The following MTIF2 variants were observed in gnomAD, a reference collection of about 807,000 sequenced individuals.
The protein encoded by MTIF2 is mitochondrial translational initiation factor 2.
In MTIF2, 71 loss-of-function variants were observed where a neutral mutation model predicts 83.5. The observed-to-expected ratio is 0.85, with a 90% CI of 0.70 to 1.04. The LOEUF is 1.04. MTIF2 is among the 50% of genes least tolerant of loss of function. The probability of loss-of-function intolerance (pLI) is 0.00; values close to 1 mark genes in which losing one functional copy is unlikely to be tolerated. For synonymous variants in MTIF2, 319 were observed against 287.1 expected (o/e 1.11, Z -1.12); for missense variants, 957 against 846.5 (o/e 1.13, Z -1.62).
chr2:55,246,290 G>T, intron 10 of MTIF2, 47 bp downstream of exon 10: 1 of 1,529,306 alleles, frequency 6.5e-7, no homozygotes, highest in Non-Finnish European at 8.8e-7. Flanking sequence ...ATCAAGTCAC[G>T]AAAACCACAG....
chr2:55,256,221 T>C (rs1573900653), intron 5 of MTIF2, among the ~76,000 whole-genome samples: 1 of 151,894 alleles, frequency 6.6e-6, no homozygotes, highest in East Asian at 1.9e-4. Flanking sequence ...GTAGGTGAAT[T>C]TTCAAATACA....
At chr2:55,236,918 T>A in intron 15 of MTIF2, 98 bp from the exon 16 acceptor site, 1 of 1,004,198 alleles carries the variant, frequency 1.0e-6, no homozygotes, top group Non-Finnish European at 1.3e-6. Flanking sequence ...ACACTGAAAT[T>A]CTTAAAAATT....
intron 7 of MTIF2, among the ~76,000 whole-genome samples, chr2:55,253,166 A>C (rs934635103): frequency 2.6e-5 from 4 of 152,358 alleles, no homozygotes; most frequent in Admixed American, 2.6e-4. Flanking sequence ...GCAACTATTA[A>C]TACCTACCTT....
At chr2:55,260,361 T>C (rs7597293) in intron 5 of MTIF2, among the ~76,000 whole-genome samples, 104,954 of 149,828 alleles carry the variant, frequency 0.7, 37,953 homozygotes, top group Non-Finnish European at 0.79. Context: ...GATAGTGCCA[T>C]TGCACTCTAG....
chr2:55,252,326 A>T, intron 8 of MTIF2, 151 bp downstream of exon 8: 2 of 646,818 alleles, frequency 3.1e-6, no homozygotes, highest in Admixed American at 2.9e-5. Flanking sequence ...TATTAGTTAT[A>T]AGTCTGTGGG....
At position 55,254,064 on chromosome 2, in the gene MTIF2, G is replaced by C. The variant is rs770764661; in HGVS notation, c.641C>G (p.Thr214Ser). The change falls in exon 7 of 16, where the codon ACT becomes AGT. Residue 214 changes from threonine to serine, a missense_variant. Around this residue, in one of 3 missense-constraint regions of MTIF2, gnomAD observed 733 missense variants for 648.7 expected, o/e 1.13. Coordinates refer to ENST00000263629, the MANE Select transcript of MTIF2 (RefSeq NM_002453.3). ...ACCAAGAAAGGCACCAATGTGCTGA[G>C]TGATGCCTCCAGTTTCCACTGCTGC... Reference protein sequence around the residue: ...QVAAVETGGITQHIGAFLVSL... With the variant: ...QVAAVETGGISQHIGAFLVSL... 2 of 1,614,196 alleles carry C rather than the reference G, an allele frequency of 1.2e-6. No homozygotes were observed. The highest frequency in any genetic ancestry group is 1.7e-6 in the Non-Finnish European group (2 of 1,180,024).
At chr2:55,256,151 A>G (rs1677513018) in intron 5 of MTIF2, among the ~76,000 whole-genome samples, 1 of 152,188 alleles carries the variant, frequency 6.6e-6, no homozygotes, top group African/African-American at 2.4e-5. Flanking sequence ...CTGGGATCAC[A>G]GGCATGAGCC....
At chr2:55,243,906 A>G (rs751988148) in intron 11 of MTIF2, 123 bp downstream of exon 11, 1 of 989,198 alleles carries the variant, frequency 1.0e-6, no homozygotes, top group Non-Finnish European at 1.4e-6. Flanking sequence ...CACAACTTGC[A>G]TCCTCACAGC....
At chr2:55,249,315 G>A in intron 9 of MTIF2, 80 bp downstream of exon 9, 1 of 1,481,618 alleles carries the variant, frequency 6.7e-7, no homozygotes, top group Non-Finnish European at 9.1e-7. Flanking sequence ...ACATCAAAAT[G>A]TTCTTTAGAT....
chr2:55,244,180 A>G lies in MTIF2; in HGVS notation c.1160T>C (p.Leu387Pro). Residue 387 changes from leucine to proline, a missense_variant, in exon 11 of 16, where the codon CTG becomes CCG. Physicochemically the swap from Leu to Pro is moderately conservative, Grantham distance 98. Transcript: ENST00000263629. ...QRGTLRKGSVLVAGKCWAKVR... is the reference protein window; with the variant it reads ...QRGTLRKGSVPVAGKCWAKVR... Reference sequence around the variant, plus strand: ...TTTTGCCCAACATTTTCCAGCAACCAGAACAGAGCCTTTTCTTAAAGTTCC... The same window carrying G: ...TTTTGCCCAACATTTTCCAGCAACCGGAACAGAGCCTTTTCTTAAAGTTCC... 6.2e-7 allele frequency: 1 copy of G among 1,614,136 alleles called. No individual in the cohort carries two copies.
At position 55,263,867 on chromosome 2, in the gene MTIF2, TGGGG is replaced by T; in HGVS notation, c.-7-6_-7-3del. ...AGTAGCTTCTGGTTCATGTTTCTCC[TGGGG>T]AAAAAAAAAAGGTTTTAAAATAATA... On this transcript the variant is annotated splice_region_variant and splice_polypyrimidine_tract_variant and intron_variant, in intron 3 of 15. Coordinates refer to ENST00000263629, the MANE Select transcript of MTIF2 (RefSeq NM_002453.3). 6.3e-7 allele frequency: 1 copy of T among 1,582,470 alleles called. No homozygotes were observed. Among genetic ancestry groups the T allele is most frequent in the Non-Finnish European group, 8.6e-7 (1 of 1,166,680 alleles).
At position 55,263,834 on chromosome 2, in the gene MTIF2, C is replaced by G; in HGVS notation, c.25G>C (p.Glu9Gln). 1 of 1,613,718 alleles carries G rather than the reference C, an allele frequency of 6.2e-7. No individual in the cohort carries two copies. The highest frequency in any genetic ancestry group is 8.5e-7 in the Non-Finnish European group (1 of 1,179,936). ...ATAGTGTGAAATCGTAGCAAGTTCT[C>G]CAACTTCAGTAGCTTCTGGTTCATG... MNQKLLKL[E>Q]NLLRFHTIYR... The change falls in exon 4 of 16, where the codon GAG (glutamate) becomes CAG (glutamine). Residue 9 changes from glutamate (E) to glutamine (Q), a missense_variant. Transcript: ENST00000263629.
In MTIF2 at chr2:55,237,544, T is replaced by C. The variant is rs552691371; in HGVS notation, c.1871-116A>G. On this transcript the variant is annotated intron_variant, in intron 14 of 15. Transcript: ENST00000263629. ...TATGACAAAAATCCAAATTCATGCC[T>C]AGAAAAAAGTCTGGGTTTCTTTAAC... 1.2e-4 allele frequency: 116 copies of C among 935,470 alleles called. No individual in the cohort carries two copies. In the South Asian group the frequency reaches 3.8e-3, roughly 31 times the overall value. The allele number at this position is 935,470 out of a possible 1,614,324, so 57.9% of individuals were successfully genotyped here. A position where few individuals can be genotyped will look rare whatever the true frequency, so the allele number is the denominator to read the frequency against.
intron 9 of MTIF2, among the ~76,000 whole-genome samples, chr2:55,246,675 T>A (rs993686485): frequency 6.6e-6 from 1 of 151,982 alleles, no homozygotes; most frequent in South Asian, 2.1e-4. Flanking sequence ...GAGGGAGGGA[T>A]CAGCAAGAAA....
chr2:55,268,972 C>T (rs1678636617), intron 1 of MTIF2, 197 bp downstream of exon 1: 1 of 152,124 alleles, frequency 6.6e-6, no homozygotes, highest in South Asian at 2.1e-4. Context: ...CAGCCGCTTC[C>T]GAGAGAACAG....
At position 55,252,494 on chromosome 2, in the gene MTIF2, T is replaced by A; in HGVS notation, c.824A>T (p.His275Leu). The change falls in exon 8 of 16, where the codon CAT becomes CTT. Residue 275 changes from histidine (H) to leucine (L), a missense_variant. His to Leu is a moderately conservative substitution (Grantham distance 99). Around this residue, in one of 3 missense-constraint regions of MTIF2, gnomAD observed 733 missense variants for 648.7 expected, o/e 1.13. Transcript: ENST00000263629. ...VMKQTVESIQ[H>L]AKDAQVPIIL... The stretch of plus-strand genomic sequence containing the variant: ...CACAGTACCCTGTGCATCTTTGGCA[T>A]GCTGAATAGATTCTACAGTTTGTTT... The A allele has an allele frequency of 2.5e-6, 4 of 1,614,176 alleles. No individual in the cohort carries two copies. The highest frequency in any genetic ancestry group is 3.4e-6 in the Non-Finnish European group (4 of 1,180,008).
chr2:55,268,389 A>G (rs561679665), intron 2 of MTIF2, among the ~76,000 whole-genome samples, 189 bp downstream of exon 2: 2 of 152,166 alleles, frequency 1.3e-5, no homozygotes, highest in African/African-American at 4.8e-5. Flanking sequence ...GTAACACAGG[A>G]TTCCTTGAGA....
Position 55,237,379 on chromosome 2 carries a change from T to C in MTIF2, c.1920A>G (p.Lys640=), listed in dbSNP as rs780810194. The C allele has an allele frequency of 1.9e-6, 3 of 1,612,856 alleles. No homozygotes were observed. The highest frequency in any genetic ancestry group is 1.7e-6 in the Non-Finnish European group (2 of 1,179,882). ...GGACTCTGCAGCCAGCCACAGGAAC[T>C]TTTTTCTTCCCTTCTGTTACAGAGA... is the stretch of plus-strand genomic sequence containing the variant. The part of the protein sequence containing the change: ...ATFSVTEGKK[K]VPVAGCRVQK... The change falls in exon 15 of 16, where the codon AAA becomes AAG. Residue 640 remains lysine, a synonymous_variant. Coordinates refer to ENST00000263629, the MANE Select transcript of MTIF2 (RefSeq NM_002453.3).
intron 5 of MTIF2, among the ~76,000 whole-genome samples, chr2:55,255,791 T>C (rs536963401): frequency 6.6e-6 from 1 of 152,202 alleles, no homozygotes; most frequent in Admixed American, 6.6e-5. Flanking sequence ...CAACCTCAGC[T>C]TCAGAACATG....
Sources: allele counts gnomAD v4.1 joint callset (sites outside exome capture counted in the v4.1 genomes callset), GRCh38; gene constraint gnomAD v4.1.1; regional missense constraint gnomAD v4.1.1; transcripts MANE v1.5; gene names NCBI Gene and HGNC (gene_info 2026-07-23, HGNC 2026-07-21).